Variants in SUMF1 observed in about 807,000 individuals in gnomAD.
SUMF1 encodes the protein sulfatase modifying factor 1, also known as formylglycine-generating enzyme.
Under a neutral mutation model 47.6 loss-of-function variants are expected in SUMF1, and 48 were observed. The observed-to-expected ratio is 1.01, with a 90% CI of 0.80 to 1.28. The LOEUF (loss-of-function observed/expected upper bound fraction) is 1.28. SUMF1 is among the 50% of genes most tolerant of loss of function. The pLI is 0.00. For missense variants in SUMF1, 571 were observed against 485.4 expected, an observed-to-expected ratio of 1.18 and a Z score of -1.66; for synonymous variants, 230 against 192.1, an observed-to-expected ratio of 1.20 and a Z score of -1.63.
At chr3:4,368,940 T>G (rs1029193142) in intron 8 of SUMF1, among the ~76,000 whole-genome samples, 2 of 152,200 alleles carry the variant, frequency 1.3e-5, no homozygotes, top group African/African-American at 2.4e-5. Flanking sequence ...CTCAAGTCCC[T>G]GCAAACTGGT....
rs572724581 is a variant in SUMF1, at chr3:4,452,144, G to A, written c.444+732C>T. 5.4e-3 allele frequency among the ~76,000 whole-genome samples: 804 copies of A among 148,980 alleles called. 3 individuals carry two copies. Among genetic ancestry groups the A allele is most frequent in the Middle Eastern group, 0.01 (3 of 288 alleles). On this transcript the variant is annotated intron_variant, in intron 2 of 8. Transcript: ENST00000272902. ...CATTTGGGGTCTTAAAAAAAAAAAA[G>A]AATAGGGACCCCACGAACTGAAGAC...
At chr3:4,457,757 C>T (rs562000744) in intron 1 of SUMF1, among the ~76,000 whole-genome samples, 2 of 152,298 alleles carry the variant, frequency 1.3e-5, no homozygotes, top group South Asian at 4.1e-4. Context: ...GTATTAAAGA[C>T]TTAAATGTAC....
chr3:4,130,367 A>G (rs909843006), intron 8 of SUMF1, among the ~76,000 whole-genome samples: 2 of 152,176 alleles, frequency 1.3e-5, no homozygotes, highest in South Asian at 4.2e-4. Flanking sequence ...TCGGCTAGCA[A>G]GGCCAGCAAT....
chr3:4,372,838 C>G (rs1456806542), intron 8 of SUMF1, among the ~76,000 whole-genome samples: 4 of 152,212 alleles, frequency 2.6e-5, no homozygotes, highest in Admixed American at 6.5e-5. Flanking sequence ...AGGCTAAGCA[C>G]TCTGAAAATA....
At chr3:4,290,607 A>G (rs1187005727) in intron 8 of SUMF1, among the ~76,000 whole-genome samples, 1 of 152,060 alleles carries the variant, frequency 6.6e-6, no homozygotes, top group Non-Finnish European at 1.5e-5. Context: ...TTCAAATACT[A>G]CCCGCTCCTC....
chr3:4,433,617 C>T (rs1437055572), intron 3 of SUMF1, among the ~76,000 whole-genome samples: 3 of 152,346 alleles, frequency 2.0e-5, no homozygotes, highest in Non-Finnish European at 4.4e-5. Flanking sequence ...GTTCTCTCCC[C>T]AAGGAAAAGC....
chr3:4,402,059 A>G (rs1401015514), intron 7 of SUMF1, among the ~76,000 whole-genome samples: 1 of 152,152 alleles, frequency 6.6e-6, no homozygotes, highest in South Asian at 2.1e-4. Context: ...GCACACACAC[A>G]TGCTCCCCTC....
chr3:4,303,166 T>G, intron 8 of SUMF1: 2 of 489,566 alleles, frequency 4.1e-6, no homozygotes, highest in Non-Finnish European at 3.5e-6. Context: ...TTACATGGTT[T>G]TGTAATTATC....
chr3:4,174,051 C>T (rs1430455875), intron 8 of SUMF1, among the ~76,000 whole-genome samples: 1 of 152,034 alleles, frequency 6.6e-6, no homozygotes, highest in Non-Finnish European at 1.5e-5. Flanking sequence ...CTAGTATTAG[C>T]TAGGATTAAA....
chr3:4,128,037 G>A (rs1262323547), intron 8 of SUMF1, among the ~76,000 whole-genome samples: 3 of 152,056 alleles, frequency 2.0e-5, no homozygotes, highest in African/African-American at 4.8e-5. Flanking sequence ...AATGAAGCAG[G>A]TTAGTTGCTC....
chr3:4,464,827 T>C (rs550387017), intron 1 of SUMF1, among the ~76,000 whole-genome samples: 1 of 152,332 alleles, frequency 6.6e-6, no homozygotes, highest in East Asian at 1.9e-4. Flanking sequence ...CCTTGAAGGC[T>C]TGAAGGTATA....
chr3:4,456,335 T>A (rs1428992878), intron 1 of SUMF1, among the ~76,000 whole-genome samples: 2 of 152,020 alleles, frequency 1.3e-5, no homozygotes, highest in Non-Finnish European at 2.9e-5. Context: ...CCACTTCTAT[T>A]CCATGTAATA....
chr3:4,206,038 G>A (rs759035161), intron 8 of SUMF1, among the ~76,000 whole-genome samples: 4 of 152,036 alleles, frequency 2.6e-5, no homozygotes, highest in Non-Finnish European at 5.9e-5. Context: ...CTGGTTCAGG[G>A]TGGGTCTAGA....
chr3:4,343,737 G>A (rs947651297), intron 8 of SUMF1, among the ~76,000 whole-genome samples: 1 of 152,174 alleles, frequency 6.6e-6, no homozygotes, highest in Non-Finnish European at 1.5e-5. Context: ...CCTTTTTGGA[G>A]GGCTGTCAAT....
intron 8 of SUMF1, among the ~76,000 whole-genome samples, chr3:4,104,880 C>A (rs1434875064): frequency 6.6e-6 from 1 of 152,070 alleles, no homozygotes; most frequent in African/African-American, 2.4e-5. Flanking sequence ...TTCTGGTATA[C>A]ATTCAAAGGG....
chr3:4,283,844 G>T (rs1395649816), intron 8 of SUMF1, among the ~76,000 whole-genome samples: 1 of 152,124 alleles, frequency 6.6e-6, no homozygotes, highest in Non-Finnish European at 1.5e-5. Flanking sequence ...CGTCTGGTAA[G>T]GGATCACTTT....
intron 8 of SUMF1, among the ~76,000 whole-genome samples, chr3:4,237,551 T>C (rs1696437202): frequency 6.6e-6 from 1 of 152,110 alleles, no homozygotes; most frequent in Admixed American, 6.6e-5. Context: ...ACATGTCTTT[T>C]GCAAATATTT....
In SUMF1 at chr3:4,376,419, A is replaced by G. The variant is rs375475540; in HGVS notation, c.955-30T>C. The G allele has an allele frequency of 5.0e-6, 8 of 1,612,260 alleles. No homozygotes were observed. The African/African-American group carries it at 8.0e-5, about 16-fold the overall frequency. ...AGATGAAGAAAAAAGGCTATGTTAG[A>G]CCAGAAGGCAAAGCTGCCCCTTACA... On this transcript the variant is annotated intron_variant, in intron 7 of 8. Transcript: ENST00000272902.
chr3:4,319,833 A>C (rs1006394159), intron 8 of SUMF1, among the ~76,000 whole-genome samples: 3 of 152,210 alleles, frequency 2.0e-5, no homozygotes, highest in African/African-American at 7.2e-5. Context: ...TAAAGAAATG[A>C]GCTATCGAGC....
Sources: gnomAD v4.1 joint callset for allele counts (sites outside exome capture counted in the v4.1 genomes callset) on GRCh38, gnomAD v4.1.1 for gene constraint, MANE v1.5 for transcripts, NCBI Gene and HGNC (gene_info 2026-07-23, HGNC 2026-07-21) for gene names.